Variants in ADGB observed in about 807,000 individuals in gnomAD.
ADGB encodes the protein calpain-7-like protein.
Under a neutral mutation model 210.5 loss-of-function variants are expected in ADGB, and 172 were observed. That is an observed-to-expected ratio of 0.82 (90% CI 0.72 to 0.93). ADGB has a LOEUF of 0.93. Among genes scored for constraint, ADGB ranks in the 40% least tolerant of loss-of-function variants. ADGB has a pLI of 0.00. For missense variants in ADGB, 2,025 were observed against 1,964.8 expected (o/e 1.03, Z -0.58); for synonymous variants, 658 against 662.7 (o/e 0.99, Z 0.11).
At chr6:146,753,144 A>G (rs1055825957) in intron 27 of ADGB, among the ~76,000 whole-genome samples, 2 of 152,040 alleles carry the variant, frequency 1.3e-5, no homozygotes, top group Admixed American at 1.3e-4. Flanking sequence ...TAGCAGTGCT[A>G]CTCTGAGGTG....
intron 7 of ADGB, among the ~76,000 whole-genome samples, chr6:146,668,663 C>T (rs1381830730): frequency 6.6e-6 from 1 of 151,898 alleles, no homozygotes; most frequent in Non-Finnish European, 1.5e-5. Flanking sequence ...TTTTCCTGTG[C>T]AATTTTCTCT....
intron 1 of ADGB, among the ~76,000 whole-genome samples, chr6:146,624,344 A>G (rs1780942042): frequency 6.6e-6 from 1 of 151,900 alleles, no homozygotes; most frequent in Non-Finnish European, 1.5e-5. Flanking sequence ...ATAACTTTAT[A>G]AGTTATCAAA....
intron 13 of ADGB, among the ~76,000 whole-genome samples, chr6:146,709,407 G>A (rs1776624870): frequency 6.6e-6 from 1 of 152,182 alleles, no homozygotes; most frequent in Non-Finnish European, 1.5e-5. Flanking sequence ...GAGATTCCTG[G>A]CAGGTTGCCC....
At chr6:146,717,855 T>C (rs1452793421) in intron 16 of ADGB, among the ~76,000 whole-genome samples, 1 of 152,042 alleles carries the variant, frequency 6.6e-6, no homozygotes, top group African/African-American at 2.4e-5. Context: ...TTAAGAAAAA[T>C]TTGAATTATG....
intron 8 of ADGB, 107 bp from the exon 9 acceptor site, chr6:146,676,206 A>G (rs1176618478): frequency 2.0e-6 from 2 of 1,016,422 alleles, no homozygotes; most frequent in African/African-American, 3.3e-5. Flanking sequence ...TTTTACATTA[A>G]ATAATACTAT....
chr6:146,660,180 A>C (rs770515451), intron 5 of ADGB, among the ~76,000 whole-genome samples: 1 of 152,164 alleles, frequency 6.6e-6, no homozygotes, highest in African/African-American at 2.4e-5. Context: ...GCAATCCTGC[A>C]TTATAAGAAA....
intron 8 of ADGB, among the ~76,000 whole-genome samples, chr6:146,675,664 G>T (rs1280652745): frequency 3.3e-5 from 5 of 152,124 alleles, no homozygotes; most frequent in Non-Finnish European, 7.4e-5. Flanking sequence ...TCTCAGAATT[G>T]AGACAGATTT....
Position 146,693,519 on chromosome 6 carries a change from A to G in ADGB, c.1577+604A>G, listed in dbSNP as rs117816578. Among the ~76,000 whole-genome samples, 266 of 152,246 alleles carry G rather than the reference A, an allele frequency of 1.7e-3. 4 individuals carry two copies. In the East Asian group the frequency reaches 0.026, roughly 15 times the overall value. On this transcript the variant is annotated intron_variant, in intron 12 of 35. Coordinates refer to ENST00000397944, the MANE Select transcript of ADGB (RefSeq NM_024694.4). ...AGATTTCTCCTATGGTAGCCACCTA[A>G]CCTGTGGTATTTTGTTACGGCAGCC...
At chr6:146,799,038 C>T (rs553585114) in intron 33 of ADGB, among the ~76,000 whole-genome samples, 1 of 113,424 alleles carries the variant, frequency 8.8e-6, no homozygotes, top group South Asian at 2.7e-4. Flanking sequence ...CATGCTAATC[C>T]CAAAACTTAT....
chr6:146,785,783 C>G lies in ADGB; in HGVS notation c.4315+71C>G. ...GATTTGCACTTCTTAAAAAAATAATCAGTGGGTTGTGCTTGGTGAAAAGGA... is the reference window on the plus strand; with the variant it reads ...GATTTGCACTTCTTAAAAAAATAATGAGTGGGTTGTGCTTGGTGAAAAGGA... On this transcript the variant is annotated intron_variant, in intron 32 of 35. Transcript: ENST00000397944. 2.7e-6 allele frequency: 3 copies of G among 1,116,986 alleles called. No individual in the cohort carries two copies. In the African/African-American group the frequency reaches 4.6e-5, roughly 17 times the overall value. The allele number at this position is 1,116,986 out of a possible 1,614,324, so 69.2% of individuals were successfully genotyped here.
At chr6:146,715,748 A>T (rs913650699) in intron 14 of ADGB, among the ~76,000 whole-genome samples, 1 of 152,096 alleles carries the variant, frequency 6.6e-6, no homozygotes, top group Admixed American at 6.5e-5. Flanking sequence ...AAAATTATAT[A>T]TATATTTTTG....
intron 3 of ADGB, among the ~76,000 whole-genome samples, chr6:146,647,057 C>T (rs112239265): frequency 0.033 from 4,787 of 147,068 alleles, 123 homozygotes; most frequent in Middle Eastern, 0.076. Flanking sequence ...CCACTGCACT[C>T]CAGCCTGGGT....
chr6:146,626,979 A>C (rs904027601), intron 1 of ADGB, among the ~76,000 whole-genome samples: 5 of 151,926 alleles, frequency 3.3e-5, no homozygotes, highest in Non-Finnish European at 7.4e-5. Flanking sequence ...TATCTTCTAA[A>C]ATTCATTAAT....
intron 9 of ADGB, among the ~76,000 whole-genome samples, chr6:146,680,939 T>C (rs534477840): frequency 1.3e-5 from 2 of 152,306 alleles, no homozygotes; most frequent in South Asian, 4.1e-4. Flanking sequence ...ATGTGAATTC[T>C]AAAGTTCTAT....
intron 1 of ADGB, among the ~76,000 whole-genome samples, chr6:146,633,922 T>C (rs1781100436): frequency 6.6e-6 from 1 of 152,084 alleles, no homozygotes; most frequent in Admixed American, 6.6e-5. Flanking sequence ...GTACAATATT[T>C]ATAAGGTCTT....
chr6:146,685,090 A>C (rs545532365), intron 9 of ADGB, among the ~76,000 whole-genome samples: 19 of 152,158 alleles, frequency 1.2e-4, no homozygotes, highest in African/African-American at 4.6e-4. Context: ...GGCTAAAATA[A>C]ATTGACTTCT....
At chr6:146,698,691 A>T (rs1583595383) in intron 12 of ADGB, among the ~76,000 whole-genome samples, 1 of 152,084 alleles carries the variant, frequency 6.6e-6, no homozygotes, top group Non-Finnish European at 1.5e-5. Context: ...TTCGTTTTAA[A>T]ATTTTGCTAT....
intron 3 of ADGB, among the ~76,000 whole-genome samples, chr6:146,651,309 A>G (rs1209258910): frequency 6.6e-6 from 1 of 152,214 alleles, no homozygotes; most frequent in African/African-American, 2.4e-5. Context: ...AGGCTGAGTC[A>G]CTTGAAACAC....
intron 3 of ADGB, among the ~76,000 whole-genome samples, chr6:146,651,634 T>A (rs940751805): frequency 6.6e-6 from 1 of 152,172 alleles, no homozygotes; most frequent in Non-Finnish European, 1.5e-5. Flanking sequence ...ATCATTGATA[T>A]CATCTTGACT....
Sources: gnomAD v4.1 joint callset for allele counts (sites outside exome capture counted in the v4.1 genomes callset) on GRCh38, gnomAD v4.1.1 for gene constraint, MANE v1.5 for transcripts, NCBI Gene and HGNC (gene_info 2026-07-23, HGNC 2026-07-21) for gene names.